The following GFRA2 variants were observed in gnomAD, a reference collection of about 807,000 sequenced individuals.
GFRA2 encodes GDNF family receptor alpha 2.
A neutral mutation model predicts 48.3 loss-of-function variants in GFRA2; 17 were observed. The ratio of observed to expected loss-of-function variants is 0.35; its 90% CI spans 0.24 to 0.53. The LOEUF is 0.53. GFRA2 is among the 20% of genes least tolerant of loss of function. The probability of loss-of-function intolerance (pLI) is 0.93; values close to 1 mark genes in which losing one functional copy is unlikely to be tolerated. For synonymous variants in GFRA2, 305 were observed against 257.2 expected (o/e 1.19, Z -1.78); for missense variants, 660 against 637.3 (o/e 1.04, Z -0.38).
intron 4 of GFRA2, among the ~76,000 whole-genome samples, chr8:21,729,045 C>T (rs550406884): frequency 2.4e-4 from 36 of 152,314 alleles, no homozygotes; most frequent in African/African-American, 7.2e-4. Context: ...CAGAGCAGGA[C>T]GGGGCCAACC....
chr8:21,704,581 C>T (rs554368499), intron 6 of GFRA2, among the ~76,000 whole-genome samples: 3 of 152,316 alleles, frequency 2.0e-5, no homozygotes, highest in Non-Finnish European at 2.9e-5. Flanking sequence ...TGTGGCTAAC[C>T]TCTCTCTGGC....
At chr8:21,728,640 G>C (rs1269716564) in intron 4 of GFRA2, among the ~76,000 whole-genome samples, 1 of 152,146 alleles carries the variant, frequency 6.6e-6, no homozygotes, top group African/African-American at 2.4e-5. Context: ...CACATCTGGA[G>C]AGAAAGTGCA....
intron 4 of GFRA2, among the ~76,000 whole-genome samples, chr8:21,738,206 TCCCC>T (rs781616586): frequency 0.15 from 10,851 of 74,242 alleles, 1,029 homozygotes; most frequent in Middle Eastern, 0.31. Context: ...CTCCTCCTCC[TCCCC>T]CTCCTCCTCC....
intron 4 of GFRA2, among the ~76,000 whole-genome samples, chr8:21,737,166 A>C (rs1436765976): frequency 6.6e-6 from 1 of 152,166 alleles, no homozygotes. Context: ...GAATTAGTTC[A>C]AGACCAATCT....
intron 4 of GFRA2, among the ~76,000 whole-genome samples, chr8:21,746,748 G>GT (rs1805024549): frequency 6.6e-6 from 1 of 151,142 alleles, no homozygotes; most frequent in Non-Finnish European, 1.5e-5. Context: ...TGTGTGAAGT[G>GT]TATCACTTGA....
chr8:21,787,368 G>A (rs909525120), intron 1 of GFRA2, among the ~76,000 whole-genome samples: 117 of 152,086 alleles, frequency 7.7e-4, no homozygotes, highest in African/African-American at 2.7e-3. Context: ...GCAAACTTTG[G>A]CCTCCCTCCC....
chr8:21,729,768 C>T (rs1804088905), intron 4 of GFRA2, among the ~76,000 whole-genome samples: 1 of 152,212 alleles, frequency 6.6e-6, no homozygotes, highest in South Asian at 2.1e-4. Flanking sequence ...CACCGCCACC[C>T]CCAAAGGGCT....
chr8:21,768,387 G>T (rs901682711), intron 3 of GFRA2, among the ~76,000 whole-genome samples: 2 of 152,234 alleles, frequency 1.3e-5, no homozygotes, highest in African/African-American at 4.8e-5. Flanking sequence ...AGCTGCTGCT[G>T]TTCTTCCAGT....
chr8:21,799,706 G>C (rs1289582655), intron 2 of GFRA2, among the ~76,000 whole-genome samples: 1 of 152,094 alleles, frequency 6.6e-6, no homozygotes, highest in Non-Finnish European at 1.5e-5. Flanking sequence ...AGTGAACCAA[G>C]TCACTTGTTA....
At chr8:21,708,558 T>C (rs1380931628) in intron 4 of GFRA2, among the ~76,000 whole-genome samples, 2 of 152,164 alleles carry the variant, frequency 1.3e-5, no homozygotes, top group African/African-American at 4.8e-5. Context: ...ATAAACATGA[T>C]CTTATTTGGA....
intron 4 of GFRA2, among the ~76,000 whole-genome samples, chr8:21,713,877 C>A (rs927351995): frequency 1.3e-5 from 2 of 152,096 alleles, no homozygotes; most frequent in Non-Finnish European, 2.9e-5. Context: ...ACCTTTCAGA[C>A]CTCACCTCCT....
rs890869500 is a variant in GFRA2 at position 21,788,229 on chromosome 8, C to G, written c.-70G>C. ...AAAAAAATAATAGTAGTAACAACAA[C>G]AATAATAATAGGCAAGCAGTGGTAA... On this transcript the variant is annotated 5_prime_UTR_variant, in exon 1 of 9. Coordinates refer to ENST00000524240, the MANE Select transcript of GFRA2 (RefSeq NM_001495.5). 2 of 1,578,204 alleles carry G rather than the reference C, an allele frequency of 1.3e-6. No homozygotes were observed. Among genetic ancestry groups the G allele is most frequent in the African/African-American group, 1.4e-5 (1 of 72,590 alleles).
At chr8:21,728,265 G>GTTTTTTT (rs34490346) in intron 4 of GFRA2, among the ~76,000 whole-genome samples, 5 of 65,290 alleles carry the variant, frequency 7.7e-5, no homozygotes, top group Non-Finnish European at 1.3e-4. Flanking sequence ...CGGGAACCAG[G>GTTTTTTT]TTTTTTTTTT....
At chr8:21,725,170 G>T (rs1803802363) in intron 4 of GFRA2, among the ~76,000 whole-genome samples, 1 of 152,212 alleles carries the variant, frequency 6.6e-6, no homozygotes, top group South Asian at 2.1e-4. Context: ...AGGCTGAGGA[G>T]CCAAAACTAA....
At chr8:21,697,513 T>C (rs1377703603) in intron 7 of GFRA2, among the ~76,000 whole-genome samples, 1 of 151,962 alleles carries the variant, frequency 6.6e-6, no homozygotes, top group East Asian at 1.9e-4. Flanking sequence ...TGACCTTTCC[T>C]GAAGGTGGCA....
chr8:21,812,258 C>T (rs1807995470), exon 1 of GFRA2: 1 of 152,336 alleles, frequency 6.6e-6, no homozygotes, highest in Non-Finnish European at 1.5e-5. Flanking sequence ...CAACTCGGCC[C>T]TCATCTGCCA....
rs373894439 is a variant in GFRA2, at chr8:21,749,060, G to A, written c.794+1528C>T. Among the ~76,000 whole-genome samples the A allele has an allele frequency of 1.5e-4, 23 of 152,278 alleles. 1 individual carries two copies. Among genetic ancestry groups the A allele is most frequent in the South Asian group, 1.0e-3 (5 of 4,818 alleles). On this transcript the variant is annotated intron_variant, in intron 4 of 8. Transcript: ENST00000524240. ...TGGGAGCCCACAGCCTCATCCCACT[G>A]AATTGGGATTACCACTCCCTTTGTC... is the stretch of plus-strand genomic sequence containing the variant.
intron 1 of GFRA2, 61 bp from the exon 2 acceptor site, chr8:21,782,960 T>C: frequency 6.8e-7 from 1 of 1,460,024 alleles, no homozygotes; most frequent in South Asian, 1.2e-5. Flanking sequence ...CCACCCAAGA[T>C]GCAGGCCTGG....
intron 2 of GFRA2, among the ~76,000 whole-genome samples, chr8:21,776,851 A>G (rs1168849735): frequency 6.6e-6 from 1 of 151,936 alleles, no homozygotes; most frequent in Middle Eastern, 3.2e-3. Context: ...GGATGATCTC[A>G]ATGTCCTCCA....
Sources: allele counts gnomAD v4.1 joint callset (sites outside exome capture counted in the v4.1 genomes callset), GRCh38; gene constraint gnomAD v4.1.1; transcripts MANE v1.5; gene names NCBI Gene and HGNC (gene_info 2026-07-23, HGNC 2026-07-21).